The following ACAA1 variants were observed in gnomAD, a reference collection of about 807,000 sequenced individuals.
ACAA1 encodes 3-ketoacyl-CoA thiolase, peroxisomal.
ACAA1 carries 44 observed loss-of-function variants against 48.8 expected under a neutral mutation model. The observed-to-expected ratio is 0.90, with a 90% confidence interval of 0.71 to 1.16. The LOEUF (loss-of-function observed/expected upper bound fraction) is 1.16, where lower values mean the gene tolerates loss of function less well. Among genes scored for constraint, ACAA1 ranks in the 50% most tolerant of loss-of-function variants. The probability of loss-of-function intolerance (pLI) is 0.00; values close to 1 mark genes in which losing one functional copy is unlikely to be tolerated. For missense variants in ACAA1, 512 were observed against 562.3 expected (o/e 0.91, Z 0.90); for synonymous variants, 233 against 226.5 (o/e 1.03, Z -0.26).
chr3:38,133,700 G>A (rs1225139946), intron 3 of ACAA1: 1 of 546,140 alleles, frequency 1.8e-6, no homozygotes, highest in African/African-American at 1.9e-5. Flanking sequence ...AAAGGCAAAT[G>A]ACAACCTGGC....
At chr3:38,127,385 TG>T (rs1700701139) in intron 7 of ACAA1, among the ~76,000 whole-genome samples, 1 of 152,120 alleles carries the variant, frequency 6.6e-6, no homozygotes, top group African/African-American at 2.4e-5. Flanking sequence ...CCTGAGCCCC[TG>T]GGGTTTCTCT....
At chr3:38,132,081 C>G (rs1273909971) in intron 3 of ACAA1, 76 bp from the exon 4 acceptor site, 1 of 1,326,308 alleles carries the variant, frequency 7.5e-7, no homozygotes, top group East Asian at 2.4e-5. Flanking sequence ...TCCTATGCTT[C>G]TAACTGCCCC....
rs773958412 is a variant in ACAA1, at chr3:38,125,551, G to C, written c.1199+14C>G. On this transcript the variant is annotated intron_variant, in intron 11 of 11. Transcript: ENST00000333167. ...TATCCCCCTATGACCCCACCGCCAG[G>C]AGCAAAGCCTTACCTCTTCCCACGG... is the stretch of plus-strand genomic sequence containing the variant. 1.4e-5 allele frequency: 22 copies of C among 1,526,388 alleles called. No individual in the cohort carries two copies. Among genetic ancestry groups the C allele is most frequent in the Non-Finnish European group, 1.8e-5 (21 of 1,138,230 alleles). The allele number at this position is 1,526,388 out of a possible 1,614,324, so 94.6% of individuals were successfully genotyped here. A position where few individuals can be genotyped will look rare whatever the true frequency, so the allele number is the denominator to read the frequency against.
chr3:38,134,503 T>C (rs1174466119), intron 2 of ACAA1: 2 of 457,278 alleles, frequency 4.4e-6, no homozygotes, highest in Non-Finnish European at 8.8e-6. Context: ...AAGATCAGAT[T>C]GTTACCGTGT....
chr3:38,126,225 C>T lies in ACAA1; in HGVS notation c.934G>A (p.Val312Ile). The part of the protein sequence containing the change: ...GVLRSYAVVG[V>I]PPDIMGIGPA... ...CCAATGCCCATGATGTCAGGTGGGA[C>T]CCCAACCACTGCATAAGACCTCAGG... The change falls in exon 9 of 12, where the codon GTC becomes ATC. Residue 312 changes from valine to isoleucine, a missense_variant. Coordinates refer to ENST00000333167, the MANE Select transcript of ACAA1 (RefSeq NM_001607.4). This position sits in a 1 kb window ranked among gnomAD's most constrained non-coding sequence, Gnocchi z 4.7. The T allele has an allele frequency of 1.9e-6, 3 of 1,614,066 alleles. No individual in the cohort carries two copies. The highest frequency in any genetic ancestry group is 2.5e-6 in the Non-Finnish European group (3 of 1,179,962).
Position 38,122,906 on chromosome 3 carries a change from A to ATGAG in ACAA1, c.*137_*140dup. The ATGAG allele has an allele frequency of 1.1e-6, 1 of 893,134 alleles. No homozygotes were observed. The allele number at this position is 893,134 out of a possible 1,614,324, so 55.3% of individuals were successfully genotyped here. ...TGTCATCAGTGTTCACATTTTCCAA[A>ATGAG]TGAGTTGAAGTGCCTTGATCTGTCC... On this transcript the variant is annotated 3_prime_UTR_variant, in exon 12 of 12. Transcript: ENST00000333167.
chr3:38,132,273 C>T (rs544641735), intron 3 of ACAA1: 96 of 246,442 alleles, frequency 3.9e-4, no homozygotes, highest in Non-Finnish European at 6.9e-4. Context: ...AAAGACCAAG[C>T]ACAGCCCAAA....
intron 2 of ACAA1, chr3:38,134,261 A>C: frequency 1.8e-6 from 1 of 561,230 alleles, no homozygotes; most frequent in Non-Finnish European, 3.2e-6. Flanking sequence ...AGCTTTTCCA[A>C]ATCAGCACAG....
chr3:38,133,497 G>A (rs1553627443), intron 3 of ACAA1: 1 of 160,624 alleles, frequency 6.2e-6, no homozygotes, highest in Non-Finnish European at 1.4e-5. Context: ...TTACCCTGCA[G>A]GCGCTTAAAG....
chr3:38,127,125 C>T lies in ACAA1; in HGVS notation c.627-425G>A, dbSNP rs111468644. 2.5e-3 allele frequency among the ~76,000 whole-genome samples: 387 copies of T among 152,320 alleles called. 4 individuals carry two copies. Among genetic ancestry groups the T allele is most frequent in the African/African-American group, 8.0e-3 (334 of 41,568 alleles). On this transcript the variant is annotated intron_variant, in intron 7 of 11. Coordinates refer to ENST00000333167, the MANE Select transcript of ACAA1 (RefSeq NM_001607.4). The stretch of plus-strand genomic sequence containing the variant: ...TTAAAGTGACATATACTAAACTACT[C>T]ATGTATTTTTGTATTTAAGCAATTT...
rs150020522 is a variant in ACAA1 at position 38,134,873 on chromosome 3, T to C, written c.266-864A>G. On this transcript the variant is annotated intron_variant, in intron 2 of 11. Coordinates refer to ENST00000333167, the MANE Select transcript of ACAA1 (RefSeq NM_001607.4). Reference sequence around the variant, plus strand: ...TGGCCTCGTGGGAAGGGAAAGACCTTACTGTCCCCCAGCCCGACACCTGTA... The same window carrying C: ...TGGCCTCGTGGGAAGGGAAAGACCTCACTGTCCCCCAGCCCGACACCTGTA... 3.2e-3 allele frequency among the ~76,000 whole-genome samples: 488 copies of C among 152,106 alleles called. 27 individuals are homozygous for C. In the East Asian group the frequency reaches 0.084, roughly 26 times the overall value.
intron 3 of ACAA1, among the ~76,000 whole-genome samples, chr3:38,133,195 A>G (rs1002356645): frequency 1.4e-4 from 22 of 152,140 alleles, no homozygotes; most frequent in African/African-American, 4.6e-4. Flanking sequence ...TAGGGCTAGC[A>G]CTTCAAGGAG....
chr3:38,126,794 G>A lies in ACAA1; in HGVS notation c.627-94C>T. 2.7e-6 allele frequency: 4 copies of A among 1,487,230 alleles called. No homozygotes were observed. Among genetic ancestry groups the A allele is most frequent in the Non-Finnish European group, 2.8e-6 (3 of 1,086,236 alleles). The allele number at this position is 1,487,230 out of a possible 1,614,324, so 92.1% of individuals were successfully genotyped here. On this transcript the variant is annotated intron_variant, in intron 7 of 11. Coordinates refer to ENST00000333167, the MANE Select transcript of ACAA1 (RefSeq NM_001607.4). This position sits in a 1 kb window ranked among gnomAD's most constrained non-coding sequence, Gnocchi z 4.7. The stretch of plus-strand genomic sequence containing the variant: ...ATCCATTTGGGTAGACACAAGCTCA[G>A]GCTGCTAAATTCAGGGACATGCTCG...
chr3:38,131,646 A>G lies in ACAA1; in HGVS notation c.404-8T>C. 6.2e-7 allele frequency: 1 copy of G among 1,614,176 alleles called. No homozygotes were observed. Among genetic ancestry groups the G allele is most frequent in the East Asian group, 2.2e-5 (1 of 44,894 alleles). ...ACCCATTTCTGATGCCACCTGTAACAAAAGCATTTCATAAACATCCTTTGC... is the reference window on the plus strand; with the variant it reads ...ACCCATTTCTGATGCCACCTGTAACGAAAGCATTTCATAAACATCCTTTGC... On this transcript the variant is annotated splice_region_variant and splice_polypyrimidine_tract_variant and intron_variant, in intron 4 of 11. Coordinates refer to ENST00000333167, the MANE Select transcript of ACAA1 (RefSeq NM_001607.4).
At chr3:38,136,764 G>T in intron 1 of ACAA1, 79 bp from the exon 2 acceptor site, 1 of 1,494,894 alleles carries the variant, frequency 6.7e-7, no homozygotes. Flanking sequence ...ACAGCTGGGT[G>T]CGGAGCTGCC....
At position 38,129,408 on chromosome 3, in the gene ACAA1, G is replaced by T; in HGVS notation, c.447-20C>A. ...TCCACCCTGGGGAGGAGGAAGAGGA[G>T]GAGAAGGTAAGGTGAACTGGGCCCT... On this transcript the variant is annotated intron_variant, in intron 5 of 11. Transcript: ENST00000333167. This position sits in a 1 kb window ranked among gnomAD's most constrained non-coding sequence, Gnocchi z 5.3. 1 of 1,598,310 alleles carries T rather than the reference G, an allele frequency of 6.3e-7. No homozygotes were observed. The highest frequency in any genetic ancestry group is 8.6e-7 in the Non-Finnish European group (1 of 1,165,986).
intron 7 of ACAA1, among the ~76,000 whole-genome samples, chr3:38,127,189 G>A (rs1487086162): frequency 3.3e-5 from 5 of 152,188 alleles, no homozygotes; most frequent in African/African-American, 1.2e-4. Context: ...TTGCAAATAT[G>A]TGCAGCATGT....
chr3:38,126,538 G>A lies in ACAA1; in HGVS notation c.789C>T (p.Ala263=), dbSNP rs760526334. 6.2e-7 allele frequency: 1 copy of A among 1,614,230 alleles called. No homozygotes were observed. Among genetic ancestry groups the A allele is most frequent in the African/African-American group, 1.3e-5 (1 of 75,046 alleles). Reference sequence around the variant, plus strand: ...CTGTGGTAGAACCATCTTTCTTGAAGGCAGGCTTCAGTTTGGCCAGGCCCT... The same window carrying A: ...CTGTGGTAGAACCATCTTTCTTGAAAGCAGGCTTCAGTTTGGCCAGGCCCT... ...TMEGLAKLKP[A]FKKDGSTTAG... Residue 263 remains alanine (A), a synonymous_variant, in exon 8 of 12, where the codon GCC becomes GCT. Transcript: ENST00000333167. This position sits in a 1 kb window ranked among gnomAD's most constrained non-coding sequence, Gnocchi z 4.7.
Position 38,129,083 on chromosome 3 carries a change from C to T in ACAA1, c.545+207G>A, listed in dbSNP as rs1446415630. The stretch of plus-strand genomic sequence containing the variant: ...ACAAGGTGGGCGATGTTTGGAAACT[C>T]GGGGGCACAGAGAGGACCTGGGGCC... On this transcript the variant is annotated intron_variant, in intron 6 of 11. Transcript: ENST00000333167. This position sits in a 1 kb window ranked among gnomAD's most constrained non-coding sequence, Gnocchi z 5.3. Among the ~76,000 whole-genome samples the T allele has an allele frequency of 6.6e-6, 1 of 152,110 alleles. No individual in the cohort carries two copies. The highest frequency in any genetic ancestry group is 1.5e-5 in the Non-Finnish European group (1 of 68,024).
Sources: gnomAD v4.1 joint callset for allele counts (sites outside exome capture counted in the v4.1 genomes callset) on GRCh38, gnomAD v4.1.1 for gene constraint, Gnocchi (gnomAD v3.1) non-coding constraint, MANE v1.5 for transcripts, NCBI Gene and HGNC (gene_info 2026-07-23, HGNC 2026-07-21) for gene names.